Variants in RCN2 observed in about 807,000 individuals in gnomAD.
RCN2 encodes reticulocalbin 2.
Under a neutral mutation model 37.5 loss-of-function variants are expected in RCN2, and 23 were observed. The observed-to-expected ratio is 0.61, with a 90% confidence interval of 0.44 to 0.87. RCN2 has a LOEUF of 0.87. RCN2 is among the 40% of genes least tolerant of loss of function. The probability of loss-of-function intolerance (pLI) is 0.00; values close to 1 mark genes in which losing one functional copy is unlikely to be tolerated. For synonymous variants in RCN2, 140 were observed against 144.6 expected, an observed-to-expected ratio of 0.97 and a Z score of 0.23; for missense variants, 381 against 390.4, an observed-to-expected ratio of 0.98 and a Z score of 0.20.
In RCN2 at chr15:76,952,447, A is replaced by G. The variant is rs921244987; in HGVS notation, c.*3225A>G. ...ATTGTAGTAAAATACACATAACAAA[A>G]TTCATCTTAACAGTTTTTAATTGTA... On this transcript the variant is annotated 3_prime_UTR_variant, in exon 7 of 7. Coordinates refer to ENST00000394885, the MANE Select transcript of RCN2 (RefSeq NM_002902.3). The G allele has an allele frequency of 1.3e-5, 2 of 152,192 alleles. No homozygotes were observed. Among genetic ancestry groups the G allele is most frequent in the African/African-American group, 2.4e-5 (1 of 41,448 alleles). The allele number at this position is 152,192 out of a possible 1,614,324, so 9.4% of individuals were successfully genotyped here. A position where few individuals can be genotyped will look rare whatever the true frequency, so the allele number is the denominator to read the frequency against.
At chr15:76,940,974 A>C (rs879256134) in intron 3 of RCN2, among the ~76,000 whole-genome samples, 2 of 152,166 alleles carry the variant, frequency 1.3e-5, no homozygotes, top group Admixed American at 1.3e-4. Context: ...AGTTATGGTC[A>C]ACACAGGATA....
At chr15:76,932,125 G>T (rs1393975946) in intron 1 of RCN2, 140 bp downstream of exon 1, 5 of 857,856 alleles carry the variant, frequency 5.8e-6, no homozygotes, top group Non-Finnish European at 8.1e-6. Flanking sequence ...CGCGGCACTC[G>T]CTCTCTGGGG....
At chr15:76,941,929 T>G (rs971328915) in intron 3 of RCN2, 3 of 332,992 alleles carry the variant, frequency 9.0e-6, no homozygotes, top group Non-Finnish European at 1.6e-5. Context: ...AATGGTTTAT[T>G]CAAAAAGAAC....
At chr15:76,947,141 T>C (rs931663606) in intron 4 of RCN2, among the ~76,000 whole-genome samples, 12 of 152,322 alleles carry the variant, frequency 7.9e-5, no homozygotes, top group African/African-American at 2.6e-4. Context: ...AGTGGAGTTC[T>C]TCACAATATC....
rs1441397111 is a variant in RCN2 at position 76,931,923 on chromosome 15, C to A, written c.82C>A (p.Leu28Met). ...AAAGAGKAEE[L>M]HYPLGERRSD... ...GGCCGGCGCCGGCAAGGCCGAGGAGCTGCACTACCCGCTGGGCGAGCGCCG... is the reference window on the plus strand; with the variant it reads ...GGCCGGCGCCGGCAAGGCCGAGGAGATGCACTACCCGCTGGGCGAGCGCCG... The change falls in exon 1 of 7, where the codon CTG (leucine) becomes ATG (methionine). Residue 28 changes from leucine (L) to methionine (M), a missense_variant. Leu to Met is a conservative substitution (Grantham distance 15, BLOSUM62 2). Coordinates refer to ENST00000394885, the MANE Select transcript of RCN2 (RefSeq NM_002902.3). 3 of 1,315,438 alleles carry A rather than the reference C, an allele frequency of 2.3e-6. No individual in the cohort carries two copies. Among genetic ancestry groups the A allele is most frequent in the East Asian group, 3.3e-5 (1 of 30,272 alleles). The allele number at this position is 1,315,438 out of a possible 1,614,324, so 81.5% of individuals were successfully genotyped here.
Position 76,949,988 on chromosome 15 carries a change from T to C in RCN2, c.*766T>C, listed in dbSNP as rs1223646887. Reference sequence around the variant, plus strand: ...TGGTATTGTACATTATCTTGCCTCATCCATTCCTTTATGTGGATAGTTCCC... The same window carrying C: ...TGGTATTGTACATTATCTTGCCTCACCCATTCCTTTATGTGGATAGTTCCC... On this transcript the variant is annotated 3_prime_UTR_variant, in exon 7 of 7. Transcript: ENST00000394885. 6 of 152,692 alleles carry C rather than the reference T, an allele frequency of 3.9e-5. No homozygotes were observed. In the South Asian group the frequency reaches 8.3e-4, roughly 21 times the overall value. The allele number at this position is 152,692 out of a possible 1,614,324, so 9.5% of individuals were successfully genotyped here. A position where few individuals can be genotyped will look rare whatever the true frequency, so the allele number is the denominator to read the frequency against.
intron 4 of RCN2, among the ~76,000 whole-genome samples, chr15:76,947,095 C>CATGAGAGTAACGCTGAGGTTGTTT (rs1375590206): frequency 1.3e-5 from 2 of 152,118 alleles, no homozygotes; most frequent in African/African-American, 4.8e-5. Context: ...CGGAAAATAG[C>CATGAGAGTAACGCTGAGGTTGTTT]ATGAGAGTAA....
At chr15:76,944,396 G>A (rs1371547650) in intron 4 of RCN2, among the ~76,000 whole-genome samples, 1 of 152,066 alleles carries the variant, frequency 6.6e-6, no homozygotes, top group Non-Finnish European at 1.5e-5. Context: ...CACTCTTTTA[G>A]TTATTTTAAA....
chr15:76,942,809 G>A (rs1298034806), intron 3 of RCN2: 8 of 152,168 alleles, frequency 5.3e-5, no homozygotes, highest in Non-Finnish European at 1.0e-4. Flanking sequence ...TGGGTGTGGT[G>A]GCACATGCCT....
chr15:76,933,659 G>C (rs2152649279), intron 2 of RCN2, among the ~76,000 whole-genome samples: 1 of 152,300 alleles, frequency 6.6e-6, no homozygotes, highest in Admixed American at 6.5e-5. Context: ...AGCTTGAGAT[G>C]GTAAACTACC....
chr15:76,932,718 C>G (rs2075229938), intron 2 of RCN2, among the ~76,000 whole-genome samples: 1 of 152,170 alleles, frequency 6.6e-6, no homozygotes, highest in Admixed American at 6.5e-5. Flanking sequence ...TTGAGACACC[C>G]TCTTTCTCAC....
chr15:76,946,714 T>C (rs2075298213), intron 4 of RCN2, among the ~76,000 whole-genome samples: 1 of 152,008 alleles, frequency 6.6e-6, no homozygotes, highest in Admixed American at 6.6e-5. Flanking sequence ...ATCATACCAT[T>C]GTACTCTAGC....
intron 3 of RCN2, among the ~76,000 whole-genome samples, 175 bp downstream of exon 3, chr15:76,935,897 A>G (rs1330164579): frequency 6.6e-6 from 1 of 151,266 alleles, no homozygotes; most frequent in Non-Finnish European, 1.5e-5. Flanking sequence ...CAGATTTAGG[A>G]CTCTTATTCT....
chr15:76,935,024 G>T (rs1367268568), intron 2 of RCN2, among the ~76,000 whole-genome samples: 1 of 152,118 alleles, frequency 6.6e-6, no homozygotes, highest in Non-Finnish European at 1.5e-5. Context: ...TAGATCATAT[G>T]TTATAGTATG....
chr15:76,939,889 G>A (rs2075270024), intron 3 of RCN2, among the ~76,000 whole-genome samples: 1 of 152,220 alleles, frequency 6.6e-6, no homozygotes, highest in African/African-American at 2.4e-5. Context: ...AGATGGTGCT[G>A]AGAAGAAAAT....
intron 3 of RCN2, among the ~76,000 whole-genome samples, chr15:76,936,368 T>C (rs966889062): frequency 6.6e-6 from 1 of 152,162 alleles, no homozygotes; most frequent in Non-Finnish European, 1.5e-5. Context: ...GAAGACAATT[T>C]TTCCACGGGA....
In RCN2 at chr15:76,931,916, C is replaced by A. The variant is rs901184569; in HGVS notation, c.75C>A (p.Ala25=). 7.5e-6 allele frequency: 10 copies of A among 1,328,724 alleles called. No homozygotes were observed. The highest frequency in any genetic ancestry group is 8.7e-6 in the Non-Finnish European group (9 of 1,038,464). 82.3% of individuals were successfully genotyped at this position (1,328,724 alleles called of 1,614,324 possible). The change falls in exon 1 of 7, where the codon GCC becomes GCA. Residue 25 remains alanine, a synonymous_variant. Coordinates refer to ENST00000394885, the MANE Select transcript of RCN2 (RefSeq NM_002902.3). ...CCGCCGCGGCCGGCGCCGGCAAGGC[C>A]GAGGAGCTGCACTACCCGCTGGGCG... is the stretch of plus-strand genomic sequence containing the variant. ...LCAAAAGAGK[A]EELHYPLGER...
intron 3 of RCN2, chr15:76,942,320 A>T (rs955741029): frequency 3.3e-5 from 5 of 152,154 alleles, no homozygotes; most frequent in African/African-American, 1.2e-4. Context: ...ATTGTGCTTT[A>T]AAAAAATGCA....
Position 76,947,442 on chromosome 15 carries a change from T to G in RCN2, c.583T>G (p.Leu195Val), listed in dbSNP as rs1196744978. 5 of 1,604,648 alleles carry G rather than the reference T, an allele frequency of 3.1e-6. No individual in the cohort carries two copies. The highest frequency in any genetic ancestry group is 1.3e-5 in the African/African-American group (1 of 74,270). Residue 195 changes from leucine (L) to valine (V), a missense_variant, in exon 5 of 7, where the codon TTA becomes GTA. Physicochemically the swap from Leu to Val is conservative, Grantham distance 32. Coordinates refer to ENST00000394885, the MANE Select transcript of RCN2 (RefSeq NM_002902.3). ...YMTEFVIQEALEEHDKNGDGF... is the reference protein window; with the variant it reads ...YMTEFVIQEAVEEHDKNGDGF... ...ATAGGAATTTGTCATTCAAGAAGCT[T>G]TAGAAGAACATGACAAAAATGGTGA... is the stretch of plus-strand genomic sequence containing the variant.
Sources: allele counts gnomAD v4.1 joint callset (sites outside exome capture counted in the v4.1 genomes callset), GRCh38; gene constraint gnomAD v4.1.1; transcripts MANE v1.5; gene names NCBI Gene and HGNC (gene_info 2026-07-23, HGNC 2026-07-21).